UIMC1: variants seen among roughly 807,000 people sequenced by gnomAD.
UIMC1 encodes BRCA1-A complex subunit RAP80.
A neutral mutation model predicts 84.9 loss-of-function variants in UIMC1; 42 were observed. That is an observed-to-expected ratio of 0.49 (90% CI 0.39 to 0.64). The LOEUF (loss-of-function observed/expected upper bound fraction) is 0.64, where lower values mean the gene tolerates loss of function less well. Ranked by LOEUF, UIMC1 falls within the 30% of genes least tolerant of loss-of-function variation. The pLI is 0.00. For synonymous variants in UIMC1, 281 were observed against 293.0 expected, an observed-to-expected ratio of 0.96 and a Z score of 0.42; for missense variants, 825 against 847.6, an observed-to-expected ratio of 0.97 and a Z score of 0.33.
intron 2 of UIMC1, among the ~76,000 whole-genome samples, chr5:176,979,141 T>A (rs754547538): frequency 6.6e-6 from 1 of 152,186 alleles, no homozygotes; most frequent in Non-Finnish European, 1.5e-5. Context: ...TTTTAGTTTA[T>A]GATAAAGGTA....
intron 1 of UIMC1, 105 bp from the exon 2 acceptor site, chr5:176,982,728 C>T: frequency 7.5e-7 from 1 of 1,328,614 alleles, no homozygotes; most frequent in Non-Finnish European, 1.0e-6. Flanking sequence ...TTGAGATGGT[C>T]TCGCTTTGTT....
At chr5:177,006,250 G>C (rs1050227499) in intron 1 of UIMC1, 9 of 152,444 alleles carry the variant, frequency 5.9e-5, no homozygotes, top group Admixed American at 5.9e-4. Flanking sequence ...CCTGCGTGGC[G>C]TCAGGGGAGA....
intron 2 of UIMC1, among the ~76,000 whole-genome samples, chr5:176,976,239 C>T (rs768912937): frequency 7.9e-5 from 12 of 152,056 alleles, no homozygotes; most frequent in Non-Finnish European, 1.2e-4. Flanking sequence ...CGCTTGAACC[C>T]AAGACTTCCA....
chr5:176,950,377 C>A (rs774471844), intron 9 of UIMC1, among the ~76,000 whole-genome samples: 1 of 151,330 alleles, frequency 6.6e-6, no homozygotes, highest in African/African-American at 2.4e-5. Flanking sequence ...GGATTACAGG[C>A]ATGAGCCACT....
intron 1 of UIMC1, among the ~76,000 whole-genome samples, chr5:176,993,541 TA>T (rs1773179111): frequency 6.6e-6 from 1 of 152,058 alleles, no homozygotes; most frequent in South Asian, 2.1e-4. Flanking sequence ...GGCACGAATA[TA>T]CCTATATAAA....
chr5:176,992,835 T>C (rs1014544492), intron 1 of UIMC1, among the ~76,000 whole-genome samples: 3 of 151,632 alleles, frequency 2.0e-5, no homozygotes, highest in Admixed American at 1.3e-4. Flanking sequence ...CACCATAGAA[T>C]GGAAGAAAAT....
intron 7 of UIMC1, 90 bp downstream of exon 7, chr5:176,958,003 G>A (rs1230967938): frequency 8.3e-7 from 1 of 1,210,996 alleles, no homozygotes; most frequent in Non-Finnish European, 1.1e-6. Flanking sequence ...TCTCTGGCAA[G>A]CTGTCCACGT....
At chr5:176,958,955 T>C (rs1581533633) in intron 6 of UIMC1, among the ~76,000 whole-genome samples, 1 of 152,198 alleles carries the variant, frequency 6.6e-6, no homozygotes, top group Non-Finnish European at 1.5e-5. Context: ...CCACTAGACA[T>C]AAAGCTACCA....
intron 7 of UIMC1, among the ~76,000 whole-genome samples, chr5:176,957,782 C>G (rs1766787550): frequency 6.6e-6 from 1 of 152,136 alleles, no homozygotes; most frequent in African/African-American, 2.4e-5. Flanking sequence ...GCATAGAAAA[C>G]TAGTGTAATT....
At chr5:176,978,187 C>G (rs1022195777) in intron 2 of UIMC1, among the ~76,000 whole-genome samples, 15 of 151,700 alleles carry the variant, frequency 9.9e-5, no homozygotes, top group Admixed American at 6.6e-5. Context: ...CTGGCTACCA[C>G]AGTGAAACCC....
chr5:176,932,471 G>A (rs1053388024), intron 10 of UIMC1, among the ~76,000 whole-genome samples: 4 of 151,958 alleles, frequency 2.6e-5, no homozygotes, highest in Non-Finnish European at 5.9e-5. Flanking sequence ...GATGTAATAC[G>A]GGGGGGCGGC....
upstream of UIMC1, among the ~76,000 whole-genome samples, chr5:177,010,401 T>C (rs2149553393): frequency 6.6e-6 from 1 of 152,348 alleles, no homozygotes; most frequent in Non-Finnish European, 1.5e-5. Flanking sequence ...ATGAATGATA[T>C]GCTCATTGTG....
At chr5:176,996,820 T>G (rs1773679580) in intron 1 of UIMC1, among the ~76,000 whole-genome samples, 1 of 152,176 alleles carries the variant, frequency 6.6e-6, no homozygotes, top group Non-Finnish European at 1.5e-5. Context: ...GCCAATTGCC[T>G]GCCATTGGGT....
In UIMC1 at chr5:176,905,187, A is replaced by T. The variant is rs958312900; in HGVS notation, c.*95T>A. On this transcript the variant is annotated 3_prime_UTR_variant, in exon 15 of 15. Transcript: ENST00000511320. ...CTGGTGGTGAAAACTGCAGGGCTAA[A>T]ACTTGCTCAACAATGAACTAGGGAC... is the stretch of plus-strand genomic sequence containing the variant. The T allele has an allele frequency of 7.2e-7, 1 of 1,386,056 alleles. No individual in the cohort carries two copies. Among genetic ancestry groups the T allele is most frequent in the Admixed American group, 2.3e-5 (1 of 43,854 alleles). The allele number at this position is 1,386,056 out of a possible 1,614,324, so 85.9% of individuals were successfully genotyped here.
At chr5:177,022,550 C>T (rs1025658305) in exon 1 of UIMC1, 2 of 586,718 alleles carry the variant, frequency 3.4e-6, no homozygotes, top group Admixed American at 7.7e-5. Flanking sequence ...CGACAGGTTT[C>T]CGAATCCACG....
At chr5:177,014,612 G>A (rs1479933461) in intron 1 of UIMC1, among the ~76,000 whole-genome samples, 3 of 152,086 alleles carry the variant, frequency 2.0e-5, no homozygotes, top group Admixed American at 6.6e-5. Context: ...CAGGAGAATC[G>A]CTTGAACCTG....
At chr5:177,002,840 C>T (rs1774730973) in intron 1 of UIMC1, among the ~76,000 whole-genome samples, 2 of 151,948 alleles carry the variant, frequency 1.3e-5, no homozygotes, top group Non-Finnish European at 2.9e-5. Context: ...GTGAATATTT[C>T]AATAAATCCT....
intron 9 of UIMC1, among the ~76,000 whole-genome samples, chr5:176,943,709 G>A (rs967682472): frequency 4.6e-5 from 7 of 151,944 alleles, no homozygotes; most frequent in Non-Finnish European, 7.4e-5. Context: ...TGTATTACTC[G>A]TTTATCAGTA....
chr5:176,947,595 G>A (rs1350597826), intron 9 of UIMC1, among the ~76,000 whole-genome samples: 2 of 152,104 alleles, frequency 1.3e-5, no homozygotes, highest in Non-Finnish European at 2.9e-5. Context: ...AAGGCGGGTG[G>A]ATCATGAGGT....
Sources: gnomAD v4.1 joint callset for allele counts (sites outside exome capture counted in the v4.1 genomes callset) on GRCh38, gnomAD v4.1.1 for gene constraint, MANE v1.5 for transcripts, NCBI Gene and HGNC (gene_info 2026-07-23, HGNC 2026-07-21) for gene names.